DLG5: variants seen among roughly 807,000 people sequenced by gnomAD.
DLG5 encodes the protein discs large MAGUK scaffold protein 5.
DLG5 carries 48 observed loss-of-function variants against 189.8 expected under a neutral mutation model. That is an observed-to-expected ratio of 0.25 (90% confidence interval 0.20 to 0.32). The LOEUF is 0.32. DLG5 is among the 10% of genes least tolerant of loss of function. DLG5 has a pLI of 1.00. For missense variants in DLG5, 2,160 were observed against 2,544.7 expected (o/e 0.85, Z 3.25); for synonymous variants, 1,016 against 1,054.1 (o/e 0.96, Z 0.70).
intron 1 of DLG5, among the ~76,000 whole-genome samples, chr10:77,879,655 C>T (rs1170692791): frequency 2.0e-5 from 3 of 151,254 alleles, no homozygotes; most frequent in Non-Finnish European, 4.4e-5. Context: ...TCCTATTCCA[C>T]ATTTGGCTTG....
intron 27 of DLG5, among the ~76,000 whole-genome samples, chr10:77,802,325 T>C (rs1841249518): frequency 6.6e-6 from 1 of 152,202 alleles, no homozygotes; most frequent in Non-Finnish European, 1.5e-5. Context: ...TCCACCAATC[T>C]AAAATTCTAT....
At chr10:77,854,502 G>T in intron 3 of DLG5, 132 bp from the exon 4 acceptor site, 1 of 1,218,730 alleles carries the variant, frequency 8.2e-7, no homozygotes, top group Non-Finnish European at 1.1e-6. Context: ...ACACCTGGGT[G>T]TTTGTTAAAC....
At chr10:77,854,712 G>A (rs75422895) in intron 3 of DLG5, among the ~76,000 whole-genome samples, 1 of 152,074 alleles carries the variant, frequency 6.6e-6, no homozygotes, top group Non-Finnish European at 1.5e-5. Flanking sequence ...TAGGCTCGGC[G>A]TGACAGCTCG....
chr10:77,806,914 C>T lies in DLG5; in HGVS notation c.4811G>A (p.Arg1604Gln), dbSNP rs139681358. ...CAACTCTTGCTCCACATCTGCCAGC[C>T]GGTCGTACAGGGCCCTGGACCACAG... ...DSFYIRALYD[R>Q]LADVEQELSF... The change falls in exon 26 of 32, where the codon CGG becomes CAG. Residue 1604 changes from arginine (R) to glutamine (Q), a missense_variant. Physicochemically the swap from Arg to Gln is conservative, Grantham distance 43. Around this residue, in one of 5 missense-constraint regions of DLG5, gnomAD observed 574 missense variants for 644.2 expected, o/e 0.89. Transcript: ENST00000372391. 1.4e-4 allele frequency: 225 copies of T among 1,613,656 alleles called. No individual in the cohort carries two copies. In the East Asian group the frequency reaches 3.9e-3, roughly 28 times the overall value.
intron 5 of DLG5, among the ~76,000 whole-genome samples, chr10:77,850,485 A>G (rs1843915275): frequency 6.6e-6 from 1 of 152,194 alleles, no homozygotes; most frequent in African/African-American, 2.4e-5. Flanking sequence ...TTGGGCTGCT[A>G]TGAATATTCA....
rs374764140 is a variant in DLG5 at position 77,836,028 on chromosome 10, T to C, written c.1438-106A>G. On this transcript the variant is annotated intron_variant, in intron 7 of 31. Coordinates refer to ENST00000372391, the MANE Select transcript of DLG5 (RefSeq NM_004747.4). ...AAGGCTGAGGCTCTAGGGAGCTGGATGGAGGGAAACACGGAGCCCATCGCA... is the reference window on the plus strand; with the variant it reads ...AAGGCTGAGGCTCTAGGGAGCTGGACGGAGGGAAACACGGAGCCCATCGCA... 1.1e-4 allele frequency: 138 copies of C among 1,236,558 alleles called. 1 individual carries two copies. The East Asian group carries it at 2.3e-3, about 21-fold the overall frequency. 76.6% of individuals were successfully genotyped at this position (1,236,558 alleles called of 1,614,324 possible). A position where few individuals can be genotyped will look rare whatever the true frequency, so the allele number is the denominator to read the frequency against.
Position 77,794,837 on chromosome 10 carries a change from C to T in DLG5, c.5546+12G>A. 1 of 1,611,534 alleles carries T rather than the reference C, an allele frequency of 6.2e-7. No individual in the cohort carries two copies. Among genetic ancestry groups the T allele is most frequent in the Non-Finnish European group, 8.5e-7 (1 of 1,177,948 alleles). On this transcript the variant is annotated intron_variant, in intron 30 of 31. Transcript: ENST00000372391. ...CAAGGCCCCAGCGGAGCCCAGGGGG[C>T]CAGTTACCTACTTGATGTGCTTGGC...
intron 27 of DLG5, among the ~76,000 whole-genome samples, chr10:77,803,381 A>AT (rs1237484476): frequency 2.0e-5 from 3 of 152,374 alleles, no homozygotes; most frequent in African/African-American, 7.2e-5. Flanking sequence ...CTTGGATAAA[A>AT]TTTTTAAAAA....
chr10:77,867,249 C>T (rs1389083917), intron 2 of DLG5: 2 of 369,804 alleles, frequency 5.4e-6, no homozygotes, highest in Non-Finnish European at 1.1e-5. Flanking sequence ...AGGCAAATAC[C>T]CCTCTCTGGA....
chr10:77,819,705 G>T, intron 16 of DLG5, 190 bp downstream of exon 16: 2 of 1,117,850 alleles, frequency 1.8e-6, no homozygotes, highest in Non-Finnish European at 2.5e-6. Context: ...GAGAAAGCAT[G>T]TTGACAAGCT....
intron 30 of DLG5, 65 bp from the exon 31 acceptor site, chr10:77,794,182 G>C: frequency 2.7e-6 from 4 of 1,482,190 alleles, no homozygotes; most frequent in Non-Finnish European, 3.8e-6. Context: ...TCCTTCCTCT[G>C]TCCAGGCTAA....
chr10:77,827,487 A>G (rs544698388), intron 13 of DLG5, among the ~76,000 whole-genome samples: 153 of 152,272 alleles, frequency 1.0e-3, no homozygotes, highest in Middle Eastern at 3.4e-3. Context: ...CGGCCTCCCA[A>G]AGTGCCATGA....
intron 25 of DLG5, among the ~76,000 whole-genome samples, chr10:77,807,235 C>T (rs1034535694): frequency 3.3e-5 from 5 of 152,180 alleles, no homozygotes; most frequent in African/African-American, 1.2e-4. Context: ...GAAGCCCAGG[C>T]CCGGCCCCTG....
intron 27 of DLG5, among the ~76,000 whole-genome samples, chr10:77,801,536 C>T (rs771343191): frequency 3.3e-5 from 5 of 152,192 alleles, no homozygotes; most frequent in South Asian, 4.1e-4. Flanking sequence ...AAAGAAACTG[C>T]GGCCAGGAAT....
In DLG5 at chr10:77,807,878, C is replaced by T. The variant is rs749499427; in HGVS notation, c.4714G>A (p.Asp1572Asn). Residue 1572 changes from aspartate to asparagine, a missense_variant, in exon 25 of 32, where the codon GAT (aspartate) becomes AAT (asparagine). Asp to Asn is a conservative substitution (Grantham distance 23). Around this residue, in one of 5 missense-constraint regions of DLG5, gnomAD observed 574 missense variants for 644.2 expected, o/e 0.89. Transcript: ENST00000372391. ...TACTGCACCTTCAGGCGGACGCCATCCCTGGGCTTCAGCATCTCCACATAG... is the reference window on the plus strand; with the variant it reads ...TACTGCACCTTCAGGCGGACGCCATTCCTGGGCTTCAGCATCTCCACATAG... ...EVYVEMLKPR[D>N]GVRLKVQYRP... is the part of the protein sequence containing the mutation. The T allele has an allele frequency of 2.5e-6, 4 of 1,614,252 alleles. No homozygotes were observed. The highest frequency in any genetic ancestry group is 2.5e-6 in the Non-Finnish European group (3 of 1,180,048).
the DLG5 span, among the ~76,000 whole-genome samples, chr10:77,939,478 T>G: frequency 1.3e-5 from 2 of 151,846 alleles, no homozygotes; most frequent in East Asian, 3.9e-4. Flanking sequence ...GCATTCAGAG[T>G]CCCTTTCACC....
chr10:77,917,448 T>C (rs1846395022), intron 1 of DLG5, among the ~76,000 whole-genome samples: 3 of 150,020 alleles, frequency 2.0e-5, no homozygotes, highest in Non-Finnish European at 4.4e-5. Context: ...CATGGGAGGT[T>C]GAAGCTGCAG....
chr10:77,804,596 C>T (rs796204395), intron 27 of DLG5, among the ~76,000 whole-genome samples: 8 of 152,246 alleles, frequency 5.3e-5, no homozygotes, highest in African/African-American at 1.9e-4. Context: ...AGACACACAC[C>T]AGGGCCCTGG....
At chr10:77,906,436 A>G (rs1846071129) in intron 1 of DLG5, among the ~76,000 whole-genome samples, 1 of 152,174 alleles carries the variant, frequency 6.6e-6, no homozygotes, top group Non-Finnish European at 1.5e-5. Context: ...AAATGGAAAC[A>G]ACTGCTCATT....
Sources: gnomAD v4.1 joint callset for allele counts (sites outside exome capture counted in the v4.1 genomes callset) on GRCh38, gnomAD v4.1.1 for gene constraint, gnomAD v4.1.1 regional missense constraint, MANE v1.5 for transcripts, NCBI Gene and HGNC (gene_info 2026-07-23, HGNC 2026-07-21) for gene names.